Variants in LRRC4C observed in about 807,000 individuals in gnomAD.
LRRC4C encodes the protein leucine rich repeat containing 4C.
In LRRC4C, 5 loss-of-function variants were observed where a neutral mutation model predicts 33.6. The ratio of observed to expected loss-of-function variants is 0.15; its 90% CI spans 0.08 to 0.31. The LOEUF is 0.31. Ranked by LOEUF, LRRC4C falls within the 10% of genes least tolerant of loss-of-function variation. LRRC4C has a pLI of 1.00. For synonymous variants in LRRC4C, 329 were observed against 302.0 expected (o/e 1.09, Z -0.93); for missense variants, 560 against 796.7 (o/e 0.70, Z 3.58).
At chr11:40,118,936 AG>A (rs777751430) in intron 6 of LRRC4C, among the ~76,000 whole-genome samples, 1 of 152,192 alleles carries the variant, frequency 6.6e-6, no homozygotes, top group Non-Finnish European at 1.5e-5. Context: ...CAGAGCAATT[AG>A]GAAGACCTTC....
chr11:40,380,669 C>T (rs1948829945), intron 3 of LRRC4C, among the ~76,000 whole-genome samples: 1 of 152,154 alleles, frequency 6.6e-6, no homozygotes, highest in South Asian at 2.1e-4. Context: ...TACCCTTCCT[C>T]TTTTACTGTG....
chr11:40,677,585 T>A (rs917873360), intron 2 of LRRC4C, among the ~76,000 whole-genome samples: 24 of 152,138 alleles, frequency 1.6e-4, no homozygotes, highest in African/African-American at 5.8e-4. Flanking sequence ...GGAGGAAGGG[T>A]TTGCATAAAT....
intron 3 of LRRC4C, among the ~76,000 whole-genome samples, chr11:40,375,770 A>G (rs982996133): frequency 1.3e-5 from 2 of 152,182 alleles, no homozygotes; most frequent in Non-Finnish European, 2.9e-5. Flanking sequence ...TTCTCATTGA[A>G]CTGACCAACG....
At chr11:40,780,493 G>C (rs1219713765) in intron 2 of LRRC4C, among the ~76,000 whole-genome samples, 1 of 152,130 alleles carries the variant, frequency 6.6e-6, no homozygotes, top group African/African-American at 2.4e-5. Context: ...TTTCCTAAAA[G>C]AAGAGTTTCA....
intron 1 of LRRC4C, among the ~76,000 whole-genome samples, chr11:41,132,407 A>G (rs1306332051): frequency 6.6e-6 from 1 of 152,164 alleles, no homozygotes; most frequent in African/African-American, 2.4e-5. Flanking sequence ...AAGTTATTAA[A>G]TAGAAGTTGC....
At chr11:40,617,783 G>A (rs1469701122) in intron 3 of LRRC4C, among the ~76,000 whole-genome samples, 1 of 151,656 alleles carries the variant, frequency 6.6e-6, no homozygotes, top group African/African-American at 2.4e-5. Context: ...TTGTAGATGT[G>A]TCAACATCTT....
chr11:41,457,314 C>T (rs1956200695), intron 1 of LRRC4C, among the ~76,000 whole-genome samples: 1 of 152,120 alleles, frequency 6.6e-6, no homozygotes, highest in African/African-American at 2.4e-5. Context: ...AGTCCTAACA[C>T]TAAATAGATG....
intron 2 of LRRC4C, among the ~76,000 whole-genome samples, chr11:40,929,314 G>T (rs1957516281): frequency 6.6e-6 from 1 of 152,106 alleles, no homozygotes; most frequent in African/African-American, 2.4e-5. Context: ...TCAGGTGCTA[G>T]ATCCATTAAA....
At position 40,374,808 on chromosome 11, in the gene LRRC4C, A is replaced by G. The variant is rs533926867; in HGVS notation, c.-269-55087T>C. On this transcript the variant is annotated intron_variant, in intron 3 of 6. Transcript: ENST00000528697. Reference sequence around the variant, plus strand: ...TGCCTCATTTATCATCAGGCAATGAATTTCAACATCCTACAAATTTTAATG... The same window carrying G: ...TGCCTCATTTATCATCAGGCAATGAGTTTCAACATCCTACAAATTTTAATG... Among the ~76,000 whole-genome samples, 5 of 152,242 alleles carry G rather than the reference A, an allele frequency of 3.3e-5. No individual in the cohort carries two copies. The East Asian group carries it at 9.7e-4, about 29-fold the overall frequency.
rs377333896 is a variant in LRRC4C, at chr11:40,434,561, T to A, written c.-269-114840A>T. 3.2e-4 allele frequency among the ~76,000 whole-genome samples: 48 copies of A among 152,278 alleles called. No individual in the cohort carries two copies. The South Asian group carries it at 8.9e-3, about 28-fold the overall frequency. ...AATCAGAACAAAAACTCCGTGGGGA[T>A]CTTTGGAGCAATGGTAGCCCATGAT... On this transcript the variant is annotated intron_variant, in intron 3 of 6. Transcript: ENST00000528697.
At chr11:41,345,219 C>T (rs551184718) in intron 1 of LRRC4C, among the ~76,000 whole-genome samples, 18 of 152,164 alleles carry the variant, frequency 1.2e-4, no homozygotes, top group South Asian at 4.1e-4. Flanking sequence ...GGAAATTTGA[C>T]GGTCCTATTA....
chr11:41,009,274 T>A (rs572011686), intron 1 of LRRC4C, among the ~76,000 whole-genome samples: 1 of 151,880 alleles, frequency 6.6e-6, no homozygotes, highest in Non-Finnish European at 1.5e-5. Flanking sequence ...AATATATATA[T>A]CCAAAACAAT....
chr11:40,590,529 G>A (rs542770637), intron 3 of LRRC4C, among the ~76,000 whole-genome samples: 14,811 of 151,814 alleles, frequency 0.098, 819 homozygotes, highest in Middle Eastern at 0.13. Flanking sequence ...GAGGAACTGT[G>A]TTCCTTTGGA....
At chr11:40,778,551 G>T (rs1045493144) in intron 2 of LRRC4C, among the ~76,000 whole-genome samples, 4 of 152,064 alleles carry the variant, frequency 2.6e-5, no homozygotes, top group African/African-American at 9.7e-5. Context: ...AATTTGAGAT[G>T]GTGCTAAATG....
At chr11:40,414,162 A>G (rs573649977) in intron 3 of LRRC4C, among the ~76,000 whole-genome samples, 9 of 152,264 alleles carry the variant, frequency 5.9e-5, no homozygotes, top group African/African-American at 2.2e-4. Flanking sequence ...TTTAAAGTTC[A>G]TAGAAATTCT....
chr11:40,963,229 C>A (rs1213917796), intron 1 of LRRC4C, among the ~76,000 whole-genome samples: 1 of 151,594 alleles, frequency 6.6e-6, no homozygotes, highest in African/African-American at 2.4e-5. Flanking sequence ...TCATAGAGTA[C>A]CTAAATAATT....
chr11:40,445,317 G>C (rs1031388054), intron 3 of LRRC4C: 1 of 152,432 alleles, frequency 6.6e-6, no homozygotes, highest in Admixed American at 6.5e-5. Context: ...CTGGCAAAAG[G>C]CTTTTCCATG....
chr11:40,516,392 A>C (rs1234177202), intron 3 of LRRC4C, among the ~76,000 whole-genome samples: 1 of 152,062 alleles, frequency 6.6e-6, no homozygotes, highest in Non-Finnish European at 1.5e-5. Context: ...TCCACTACCA[A>C]GTCTCCTATG....
intron 1 of LRRC4C, among the ~76,000 whole-genome samples, chr11:41,259,945 C>G (rs1948924072): frequency 1.3e-5 from 2 of 151,842 alleles, no homozygotes; most frequent in Non-Finnish European, 1.5e-5. Flanking sequence ...CATTTTTAAT[C>G]TAGTGAATTT....
Sources: gnomAD v4.1 joint callset for allele counts (sites outside exome capture counted in the v4.1 genomes callset) on GRCh38, gnomAD v4.1.1 for gene constraint, MANE v1.5 for transcripts, NCBI Gene and HGNC (gene_info 2026-07-23, HGNC 2026-07-21) for gene names.